ADAMTS12: variants seen among roughly 807,000 people sequenced by gnomAD.
ADAMTS12 encodes the protein A disintegrin and metalloproteinase with thrombospondin motifs 12.
In ADAMTS12, 118 loss-of-function variants were observed where a neutral mutation model predicts 167.8. The ratio of observed to expected loss-of-function variants is 0.70; its 90% CI spans 0.61 to 0.82. ADAMTS12 has a LOEUF of 0.82. Among genes scored for constraint, ADAMTS12 ranks in the 40% least tolerant of loss-of-function variants. ADAMTS12 has a pLI of 0.00. For synonymous variants in ADAMTS12, 704 were observed against 716.9 expected, an observed-to-expected ratio of 0.98 and a Z score of 0.29; for missense variants, 1,916 against 1,998.8, an observed-to-expected ratio of 0.96 and a Z score of 0.79.
In ADAMTS12 at chr5:33,530,368, G is replaced by A. The variant is rs563469076; in HGVS notation, c.4607-3002C>T. On this transcript the variant is annotated intron_variant, in intron 23 of 23. Coordinates refer to ENST00000504830, the MANE Select transcript of ADAMTS12 (RefSeq NM_030955.4). ...GCAGAGCAGTGGGTGTTGTTCACTG[G>A]ACCTGGGCCATGCACTGTGTGCACT... Among the ~76,000 whole-genome samples the A allele has an allele frequency of 2.0e-5, 3 of 152,300 alleles. No homozygotes were observed. In the East Asian group the frequency reaches 5.8e-4, roughly 29 times the overall value.
chr5:33,798,156 A>T (rs1381786487), intron 2 of ADAMTS12, among the ~76,000 whole-genome samples: 1 of 152,130 alleles, frequency 6.6e-6, no homozygotes, highest in Non-Finnish European at 1.5e-5. Flanking sequence ...TTCAAAGAGC[A>T]TCTACTAGAT....
At chr5:33,755,169 T>G (rs909393120) in intron 2 of ADAMTS12, among the ~76,000 whole-genome samples, 3 of 152,094 alleles carry the variant, frequency 2.0e-5, no homozygotes, top group African/African-American at 7.2e-5. Context: ...GAGGAAAAAA[T>G]ATTTGATATA....
chr5:33,750,198 T>C (rs1744927618), intron 3 of ADAMTS12, among the ~76,000 whole-genome samples: 1 of 152,222 alleles, frequency 6.6e-6, no homozygotes, highest in South Asian at 2.1e-4. Flanking sequence ...CTTTTCTTGG[T>C]ACTTGTTAGA....
chr5:33,541,475 T>C (rs1579639591), intron 22 of ADAMTS12, among the ~76,000 whole-genome samples: 1 of 152,080 alleles, frequency 6.6e-6, no homozygotes, highest in Admixed American at 6.6e-5. Flanking sequence ...ACTCAGGAAA[T>C]ACAGAGAACA....
At chr5:33,742,592 T>C (rs1298897690) in intron 3 of ADAMTS12, among the ~76,000 whole-genome samples, 2 of 152,202 alleles carry the variant, frequency 1.3e-5, no homozygotes, top group South Asian at 2.1e-4. Context: ...ACTGTAAACA[T>C]ACCTCATTTA....
intron 2 of ADAMTS12, among the ~76,000 whole-genome samples, chr5:33,851,513 T>C (rs1213464126): frequency 2.6e-5 from 4 of 152,222 alleles, no homozygotes; most frequent in Non-Finnish European, 4.4e-5. Flanking sequence ...AAGGATTTAC[T>C]AGTAAAAGAG....
chr5:33,641,971 G>A lies in ADAMTS12; in HGVS notation c.1573-16C>T, dbSNP rs972820618. ...CCATACACCACTGGAAAGGGAAGAG[G>A]CAGGAGATGGCCGTATCAGGAAGGT... is the stretch of plus-strand genomic sequence containing the variant. On this transcript the variant is annotated splice_polypyrimidine_tract_variant and intron_variant, in intron 10 of 23. Transcript: ENST00000504830. 6.3e-7 allele frequency: 1 copy of A among 1,597,486 alleles called. No individual in the cohort carries two copies. The highest frequency in any genetic ancestry group is 8.6e-7 in the Non-Finnish European group (1 of 1,168,606).
intron 19 of ADAMTS12, among the ~76,000 whole-genome samples, chr5:33,566,058 T>C (rs1341056788): frequency 6.6e-6 from 1 of 152,172 alleles, no homozygotes; most frequent in Non-Finnish European, 1.5e-5. Context: ...TACAACCATT[T>C]TGTTTTTAGA....
intron 1 of ADAMTS12, among the ~76,000 whole-genome samples, chr5:33,884,694 A>G (rs1291981114): frequency 2.0e-5 from 3 of 152,122 alleles, no homozygotes; most frequent in African/African-American, 7.2e-5. Context: ...GAATCACACC[A>G]TCACCCTGCA....
At chr5:33,833,235 T>G (rs1748373206) in intron 2 of ADAMTS12, among the ~76,000 whole-genome samples, 1 of 152,212 alleles carries the variant, frequency 6.6e-6, no homozygotes, top group South Asian at 2.1e-4. Context: ...CACCTCCAAC[T>G]GCATAACAGT....
chr5:33,610,424 A>G (rs7729905), intron 16 of ADAMTS12, among the ~76,000 whole-genome samples: 90,952 of 151,884 alleles, frequency 0.6, 27,625 homozygotes, highest in East Asian at 0.82. Context: ...AGAATGTAGT[A>G]TGACCTAACC....
At chr5:33,677,568 C>T (rs1741964250) in intron 5 of ADAMTS12, among the ~76,000 whole-genome samples, 1 of 152,148 alleles carries the variant, frequency 6.6e-6, no homozygotes, top group Non-Finnish European at 1.5e-5. Flanking sequence ...ACAAATTGGT[C>T]TAAAACAGAA....
chr5:33,780,624 CAA>C (rs1746091279), intron 2 of ADAMTS12, among the ~76,000 whole-genome samples: 2 of 152,272 alleles, frequency 1.3e-5, no homozygotes, highest in South Asian at 4.1e-4. Context: ...AGAGCTTTTA[CAA>C]AAGAGTCTAA....
intron 5 of ADAMTS12, among the ~76,000 whole-genome samples, chr5:33,670,994 C>T (rs890774026): frequency 1.3e-5 from 2 of 151,964 alleles, no homozygotes; most frequent in African/African-American, 2.4e-5. Flanking sequence ...GGGAAAAACT[C>T]TTGATACACA....
intron 12 of ADAMTS12, among the ~76,000 whole-genome samples, chr5:33,632,131 T>C (rs1206570786): frequency 4.6e-5 from 7 of 152,144 alleles, no homozygotes; most frequent in Non-Finnish European, 1.0e-4. Context: ...AAGAGATAAG[T>C]GAACTAGTTC....
intron 2 of ADAMTS12, among the ~76,000 whole-genome samples, chr5:33,819,889 GT>G: frequency 6.6e-6 from 1 of 152,262 alleles, no homozygotes; most frequent in African/African-American, 2.4e-5. Context: ...GGAGCTAAAA[GT>G]TGGCCATCTC....
At chr5:33,655,445 T>C (rs966342861) in intron 7 of ADAMTS12, among the ~76,000 whole-genome samples, 25 of 152,042 alleles carry the variant, frequency 1.6e-4, no homozygotes, top group African/African-American at 5.6e-4. Flanking sequence ...TTCTTGGAGT[T>C]TGTCCATGGG....
At chr5:33,531,981 C>T (rs1360249239) in intron 23 of ADAMTS12, among the ~76,000 whole-genome samples, 1 of 152,148 alleles carries the variant, frequency 6.6e-6, no homozygotes, top group Non-Finnish European at 1.5e-5. Flanking sequence ...GGCTCAATTA[C>T]ATCAGTTCTC....
chr5:33,634,965 G>A (rs754341840), intron 12 of ADAMTS12, among the ~76,000 whole-genome samples: 3 of 151,978 alleles, frequency 2.0e-5, no homozygotes, highest in African/African-American at 4.8e-5. Context: ...GTGATGAAGC[G>A]ATCCTCCCGC....
Sources: allele counts gnomAD v4.1 joint callset (sites outside exome capture counted in the v4.1 genomes callset), GRCh38; gene constraint gnomAD v4.1.1; transcripts MANE v1.5; gene names NCBI Gene and HGNC (gene_info 2026-07-23, HGNC 2026-07-21).